CDH8: variants seen among roughly 807,000 people sequenced by gnomAD.
The protein encoded by CDH8 is cadherin-8.
In CDH8, 17 loss-of-function variants were observed where a neutral mutation model predicts 68.1. The observed-to-expected ratio is 0.25, with a 90% CI of 0.17 to 0.37. The LOEUF (loss-of-function observed/expected upper bound fraction) is 0.37, where lower values mean the gene tolerates loss of function less well. Ranked by LOEUF, CDH8 falls within the 10% of genes least tolerant of loss-of-function variation. CDH8 has a pLI of 1.00. For missense variants in CDH8, 763 were observed against 999.3 expected, an observed-to-expected ratio of 0.76 and a Z score of 3.19; for synonymous variants, 372 against 365.1, an observed-to-expected ratio of 1.02 and a Z score of -0.21.
chr16:61,912,276 G>C (rs1042424114), intron 2 of CDH8, among the ~76,000 whole-genome samples: 2 of 151,990 alleles, frequency 1.3e-5, no homozygotes, highest in Non-Finnish European at 2.9e-5. Flanking sequence ...CATAAAATAG[G>C]AGGGTGACAA....
At chr16:61,937,037 T>G (rs574475103) in intron 2 of CDH8, among the ~76,000 whole-genome samples, 255 of 152,252 alleles carry the variant, frequency 1.7e-3, no homozygotes, top group Middle Eastern at 3.4e-3. Flanking sequence ...AAATTAGTAT[T>G]TTTTTAAAGC....
intron 3 of CDH8, 138 bp from the exon 4 acceptor site, chr16:61,857,376 T>C: frequency 2.9e-6 from 2 of 695,692 alleles, no homozygotes; most frequent in South Asian, 2.0e-5. Flanking sequence ...AAGTTGAAGA[T>C]AAACTGCTCT....
At position 61,652,945 on chromosome 16, in the gene CDH8, G is replaced by A. The variant is rs773816353; in HGVS notation, c.*663C>T. 8 of 1,525,412 alleles carry A rather than the reference G, an allele frequency of 5.2e-6. No homozygotes were observed. The South Asian group carries it at 9.8e-5, about 19-fold the overall frequency. The allele number at this position is 1,525,412 out of a possible 1,614,324, so 94.5% of individuals were successfully genotyped here. ...ATGGGATTTCTCTCCTCCCACCACT[G>A]AATTGGCAAGCCCCACCCTGGAATG... On this transcript the variant is annotated 3_prime_UTR_variant, in exon 12 of 12. Transcript: ENST00000577390.
At chr16:61,995,666 G>A (rs1310559910) in intron 2 of CDH8, among the ~76,000 whole-genome samples, 4 of 152,060 alleles carry the variant, frequency 2.6e-5, no homozygotes, top group East Asian at 1.9e-4. Flanking sequence ...CGTGAGCCAT[G>A]GCTCCCGGCC....
At chr16:61,854,069 T>C (rs1254002313) in intron 4 of CDH8, among the ~76,000 whole-genome samples, 1 of 151,944 alleles carries the variant, frequency 6.6e-6, no homozygotes, top group Non-Finnish European at 1.5e-5. Context: ...TACATATATG[T>C]GTGAATATAC....
At chr16:61,660,237 G>A (rs939297048) in intron 10 of CDH8, among the ~76,000 whole-genome samples, 3 of 152,056 alleles carry the variant, frequency 2.0e-5, no homozygotes, top group Non-Finnish European at 2.9e-5. Flanking sequence ...AGAAGATTAT[G>A]AGACATGCAA....
chr16:61,839,123 T>A (rs893057564), intron 4 of CDH8, among the ~76,000 whole-genome samples: 28 of 152,242 alleles, frequency 1.8e-4, no homozygotes, highest in Middle Eastern at 3.4e-3. Flanking sequence ...CTGAAAAAAA[T>A]ACATTTCCTG....
chr16:61,867,319 G>A (rs778569058), intron 3 of CDH8, among the ~76,000 whole-genome samples: 70 of 152,234 alleles, frequency 4.6e-4, no homozygotes, highest in Non-Finnish European at 7.8e-4. Context: ...AAATCCTGCT[G>A]TGTCAAGCTT....
At chr16:61,906,694 G>A (rs1333144541) in intron 2 of CDH8, among the ~76,000 whole-genome samples, 1 of 152,150 alleles carries the variant, frequency 6.6e-6, no homozygotes, top group Non-Finnish European at 1.5e-5. Flanking sequence ...GTAAATATTT[G>A]TGGAGTAAAG....
Position 61,652,805 on chromosome 16 carries a change from A to G in CDH8, c.*803T>C. 1.5e-6 allele frequency: 2 copies of G among 1,378,798 alleles called. No homozygotes were observed. Among genetic ancestry groups the G allele is most frequent in the Non-Finnish European group, 1.9e-6 (2 of 1,063,194 alleles). 85.4% of individuals were successfully genotyped at this position (1,378,798 alleles called of 1,614,324 possible). ...AATAAATTCACGCGCTAGCAATAAA[A>G]CCATCTGTCTCTTATGTAGTCCACT... On this transcript the variant is annotated 3_prime_UTR_variant, in exon 12 of 12. Transcript: ENST00000577390.
intron 4 of CDH8, among the ~76,000 whole-genome samples, chr16:61,827,890 CT>C (rs953664759): frequency 1.3e-5 from 2 of 151,776 alleles, no homozygotes; most frequent in African/African-American, 4.8e-5. Flanking sequence ...GACCACAAAC[CT>C]TACTGATAAC....
chr16:61,889,667 G>A (rs969073090), intron 3 of CDH8, among the ~76,000 whole-genome samples: 3 of 152,146 alleles, frequency 2.0e-5, no homozygotes, highest in Admixed American at 2.0e-4. Context: ...TTTAATATAT[G>A]CTTTCCTGGA....
rs945924170 is a variant in CDH8 at position 61,713,950 on chromosome 16, T to C, written c.1545A>G (p.Gln515=). Residue 515 remains glutamine, a synonymous_variant, in exon 10 of 12, where the codon CAA becomes CAG. Coordinates refer to ENST00000577390, the MANE Select transcript of CDH8 (RefSeq NM_001796.5). ...CENGKPGQVI[Q]TVSAMDKDDP... ...CATCTTTGTCCATGGCGCTAACAGT[T>C]TGAATGACCTGAAACATAAAACTTG... 1.3e-6 allele frequency: 2 copies of C among 1,584,182 alleles called. No individual in the cohort carries two copies. Among genetic ancestry groups the C allele is most frequent in the African/African-American group, 2.7e-5 (2 of 74,078 alleles).
intron 8 of CDH8, among the ~76,000 whole-genome samples, chr16:61,768,483 G>C (rs1960694733): frequency 6.7e-6 from 1 of 148,746 alleles, no homozygotes. Flanking sequence ...TTCTATCTGT[G>C]TGACCCTATT....
intron 7 of CDH8, among the ~76,000 whole-genome samples, chr16:61,817,059 T>C (rs944136908): frequency 1.3e-5 from 2 of 152,068 alleles, no homozygotes; most frequent in Non-Finnish European, 2.9e-5. Flanking sequence ...AATTCTAATA[T>C]ATAATTCACC....
chr16:62,010,593 A>T (rs769264802), intron 2 of CDH8, among the ~76,000 whole-genome samples: 6 of 152,180 alleles, frequency 3.9e-5, no homozygotes, highest in Non-Finnish European at 8.8e-5. Flanking sequence ...TGTCAGCCAT[A>T]TAGTAAACAC....
intron 2 of CDH8, among the ~76,000 whole-genome samples, chr16:62,018,444 A>G (rs967610309): frequency 3.9e-5 from 6 of 152,130 alleles, no homozygotes; most frequent in African/African-American, 4.8e-5. Context: ...CTGGGAGGTG[A>G]AGTGGTTTAA....
intron 1 of CDH8, among the ~76,000 whole-genome samples, chr16:62,025,617 G>A (rs115720765): frequency 1.3e-5 from 2 of 152,244 alleles, no homozygotes; most frequent in African/African-American, 2.4e-5. Flanking sequence ...TCTAGAGACT[G>A]AAACACTTAT....
chr16:61,688,585 T>A lies in CDH8; in HGVS notation c.1654+25256A>T, dbSNP rs188246469. Among the ~76,000 whole-genome samples the A allele has an allele frequency of 1.8e-4, 27 of 152,058 alleles. No individual in the cohort carries two copies. In the East Asian group the frequency reaches 5.1e-3, roughly 29 times the overall value. On this transcript the variant is annotated intron_variant, in intron 10 of 11. Transcript: ENST00000577390. The stretch of plus-strand genomic sequence containing the variant: ...GCAGTCTGAGCTCTGAAGGTGTTAG[T>A]ATCCTCATGTGGTTTGAGTTTCTGC...
Sources: gnomAD v4.1 joint callset for allele counts (sites outside exome capture counted in the v4.1 genomes callset) on GRCh38, gnomAD v4.1.1 for gene constraint, MANE v1.5 for transcripts, NCBI Gene and HGNC (gene_info 2026-07-23, HGNC 2026-07-21) for gene names.